Variants in ADAMTSL1 observed in about 807,000 individuals in gnomAD.
ADAMTSL1 encodes ADAMTS-like protein 1.
Under a neutral mutation model 201.8 loss-of-function variants are expected in ADAMTSL1, and 126 were observed. The observed-to-expected ratio is 0.62, with a 90% CI of 0.54 to 0.72. The LOEUF is 0.72. Ranked by LOEUF, ADAMTSL1 falls within the 30% of genes least tolerant of loss-of-function variation. The probability of loss-of-function intolerance (pLI) is 0.00; values close to 1 mark genes in which losing one functional copy is unlikely to be tolerated. For missense variants in ADAMTSL1, 2,679 were observed against 2,277.8 expected, an observed-to-expected ratio of 1.18 and a Z score of -3.59; for synonymous variants, 1,121 against 903.4, an observed-to-expected ratio of 1.24 and a Z score of -4.32.
chr9:18,279,017 T>C (rs577059198), intron 2 of ADAMTSL1, among the ~76,000 whole-genome samples: 266 of 152,308 alleles, frequency 1.7e-3, no homozygotes, highest in Non-Finnish European at 2.2e-3. Flanking sequence ...TTTGTTTGGT[T>C]CTTTTTATGA....
intron 4 of ADAMTSL1, among the ~76,000 whole-genome samples, chr9:18,612,272 A>C (rs1051984877): frequency 2.0e-5 from 3 of 152,144 alleles, no homozygotes; most frequent in Non-Finnish European, 4.4e-5. Context: ...GTCCTTAGAG[A>C]TCTTTTTCTT....
At chr9:18,818,339 C>T (rs750852675) in intron 21 of ADAMTSL1, among the ~76,000 whole-genome samples, 2 of 152,090 alleles carry the variant, frequency 1.3e-5, no homozygotes, top group Non-Finnish European at 2.9e-5. Context: ...GTTGCTTCAT[C>T]TTAGATCTTC....
At chr9:18,388,189 T>C (rs1587044915) in intron 2 of ADAMTSL1, among the ~76,000 whole-genome samples, 3 of 151,986 alleles carry the variant, frequency 2.0e-5, no homozygotes, top group Admixed American at 2.0e-4. Context: ...ATTTTGTTAT[T>C]TTTTTTCTAT....
Position 18,474,158 on chromosome 9 carries a change from T to C in ADAMTSL1, c.-75T>C. The C allele has an allele frequency of 7.6e-7, 1 of 1,323,744 alleles. No individual in the cohort carries two copies. Among genetic ancestry groups the C allele is most frequent in the Non-Finnish European group, 1.1e-6 (1 of 937,218 alleles). 82.0% of individuals were successfully genotyped at this position (1,323,744 alleles called of 1,614,324 possible). A position where few individuals can be genotyped will look rare whatever the true frequency, so the allele number is the denominator to read the frequency against. On this transcript the variant is annotated 5_prime_UTR_variant, in exon 1 of 29. Transcript: ENST00000380548. Reference sequence around the variant, plus strand: ...AGGACTGGAGTGTTAGCACCAGTACTGGATGTGACAGCAGGCAGAGGAGCA... The same window carrying C: ...AGGACTGGAGTGTTAGCACCAGTACCGGATGTGACAGCAGGCAGAGGAGCA...
At chr9:18,116,424 GAAT>G (rs1825251488) in intron 1 of ADAMTSL1, among the ~76,000 whole-genome samples, 1 of 152,138 alleles carries the variant, frequency 6.6e-6, no homozygotes, top group African/African-American at 2.4e-5. Context: ...TGAGTATTCT[GAAT>G]AAGACTTGTG....
intron 4 of ADAMTSL1, among the ~76,000 whole-genome samples, chr9:18,602,505 A>G (rs376093103): frequency 1.3e-5 from 2 of 152,282 alleles, no homozygotes; most frequent in East Asian, 3.9e-4. Context: ...CAAGCCCCAG[A>G]CTGGGCTTCT....
chr9:17,915,548 ACACG>A (rs1826058318), intron 1 of ADAMTSL1, among the ~76,000 whole-genome samples: 2 of 152,240 alleles, frequency 1.3e-5, no homozygotes, highest in Admixed American at 1.3e-4. Context: ...CTTTGTATGA[ACACG>A]TTGTTTAATT....
At chr9:18,009,238 C>A (rs1020099875) in intron 1 of ADAMTSL1, among the ~76,000 whole-genome samples, 1 of 151,992 alleles carries the variant, frequency 6.6e-6, no homozygotes, top group Non-Finnish European at 1.5e-5. Context: ...CCTATTTCTT[C>A]TTCTGTCTTC....
At chr9:18,295,670 C>T (rs1437036516) in intron 2 of ADAMTSL1, among the ~76,000 whole-genome samples, 1 of 152,206 alleles carries the variant, frequency 6.6e-6, no homozygotes, top group East Asian at 1.9e-4. Context: ...TTTGTGTCTT[C>T]ATTCCCTTGG....
At chr9:18,156,038 C>A (rs768868644) in intron 1 of ADAMTSL1, among the ~76,000 whole-genome samples, 2 of 152,080 alleles carry the variant, frequency 1.3e-5, no homozygotes, top group East Asian at 3.9e-4. Flanking sequence ...TCTCAGACTG[C>A]AGCCTAGTGC....
intron 2 of ADAMTSL1, among the ~76,000 whole-genome samples, chr9:18,462,620 A>G (rs1820849636): frequency 6.6e-6 from 1 of 152,152 alleles, no homozygotes; most frequent in Non-Finnish European, 1.5e-5. Context: ...ATATATGAGC[A>G]ATCAAAAGGA....
rs535651184 is a variant in ADAMTSL1, at chr9:18,065,125, A to G, written c.88-98737A>G. 6.6e-5 allele frequency among the ~76,000 whole-genome samples: 10 copies of G among 152,204 alleles called. 1 individual carries two copies. Among genetic ancestry groups the G allele is most frequent in the African/African-American group, 2.4e-4 (10 of 41,538 alleles). On this transcript the variant is annotated intron_variant, in intron 1 of 29. Coordinates refer to the ADAMTSL1 transcript ENST00000680146. ...AGGGCTTCTCTGCAGCTGGGAAAGT[A>G]AATTTGTAGAAAACTTTTTTCATGT...
chr9:18,348,636 G>A (rs1404104725), intron 2 of ADAMTSL1, among the ~76,000 whole-genome samples: 1 of 152,140 alleles, frequency 6.6e-6, no homozygotes, highest in Non-Finnish European at 1.5e-5. Flanking sequence ...AGGACCAACT[G>A]CAGACTTCCT....
At chr9:18,816,962 GC>G in intron 20 of ADAMTSL1, 146 bp from the exon 21 acceptor site, 1 of 979,406 alleles carries the variant, frequency 1.0e-6, no homozygotes, top group South Asian at 1.7e-5. Context: ...TATACTGTGC[GC>G]TTGCAATTTT....
chr9:18,158,337 C>T (rs1019793644), intron 1 of ADAMTSL1, among the ~76,000 whole-genome samples: 8 of 152,102 alleles, frequency 5.3e-5, no homozygotes, highest in African/African-American at 1.7e-4. Flanking sequence ...TGTATATGCT[C>T]ATGATTTTTT....
rs568211658 is a variant in ADAMTSL1 at position 18,049,157 on chromosome 9, A to T, written c.88-114705A>T. On this transcript the variant is annotated intron_variant, in intron 1 of 29. Transcript: ENST00000680146. ...AAGATTCAGGATGATCTCTCTTAAG[A>T]TCCTCAACTTCATTACATCTACAAA... 1.1e-4 allele frequency among the ~76,000 whole-genome samples: 17 copies of T among 152,314 alleles called. No individual in the cohort carries two copies. In the East Asian group the frequency reaches 2.9e-3, roughly 26 times the overall value.
At chr9:18,052,623 A>C (rs1160563630) in intron 1 of ADAMTSL1, among the ~76,000 whole-genome samples, 1 of 152,192 alleles carries the variant, frequency 6.6e-6, no homozygotes, top group Non-Finnish European at 1.5e-5. Flanking sequence ...GGCCAATAGT[A>C]CCCCCTAACA....
At chr9:18,670,120 C>T (rs779122633) in intron 9 of ADAMTSL1, among the ~76,000 whole-genome samples, 1 of 152,164 alleles carries the variant, frequency 6.6e-6, no homozygotes, top group East Asian at 1.9e-4. Context: ...ATTTTCTATA[C>T]AAGAGACCCT....
chr9:18,892,417 A>G lies in ADAMTSL1; in HGVS notation c.4672A>G (p.Thr1558Ala), dbSNP rs776587711. 6.2e-6 allele frequency: 10 copies of G among 1,613,374 alleles called. No individual in the cohort carries two copies. Among genetic ancestry groups the G allele is most frequent in the Non-Finnish European group, 3.4e-6 (4 of 1,179,760 alleles). Reference sequence around the variant, plus strand: ...GATGGTGACCTCCTGGTCTGCCTGTACCCGGAGCTGTGGGGGAGGTGTCCA... The same window carrying G: ...GATGGTGACCTCCTGGTCTGCCTGTGCCCGGAGCTGTGGGGGAGGTGTCCA... ...RWMVTSWSAC[T>A]RSCGGGVQTR... Residue 1558 changes from threonine to alanine, a missense_variant, in exon 26 of 29, where the codon ACC (threonine) becomes GCC (alanine). Thr to Ala is a moderately conservative substitution (Grantham distance 58). Transcript: ENST00000380548.
Sources: allele counts gnomAD v4.1 joint callset (sites outside exome capture counted in the v4.1 genomes callset), GRCh38; gene constraint gnomAD v4.1.1; transcripts MANE v1.5; gene names NCBI Gene and HGNC (gene_info 2026-07-23, HGNC 2026-07-21).